RHEB: variants seen among roughly 807,000 people sequenced by gnomAD.
RHEB encodes Ras homolog, mTORC1 binding, also known as GTP-binding protein Rheb.
A neutral mutation model predicts 28.8 loss-of-function variants in RHEB; 2 were observed. The ratio of observed to expected loss-of-function variants is 0.07; its 90% CI spans 0.03 to 0.22. The LOEUF (loss-of-function observed/expected upper bound fraction) is 0.22, where lower values mean the gene tolerates loss of function less well. Ranked by LOEUF, RHEB falls within the 10% of genes least tolerant of loss-of-function variation. The pLI is 1.00. For synonymous variants in RHEB, 69 were observed against 77.3 expected, an observed-to-expected ratio of 0.89 and a Z score of 0.56; for missense variants, 76 against 219.9, an observed-to-expected ratio of 0.35 and a Z score of 4.14.
chr7:151,494,833 A>G (rs2150931270), intron 1 of RHEB, among the ~76,000 whole-genome samples: 1 of 152,358 alleles, frequency 6.6e-6, no homozygotes, highest in Non-Finnish European at 1.5e-5. Flanking sequence ...TATATTTGCT[A>G]ACATGCTGTT....
At chr7:151,475,515 C>T (rs1373439050) in intron 4 of RHEB, among the ~76,000 whole-genome samples, 1 of 152,088 alleles carries the variant, frequency 6.6e-6, no homozygotes, top group Non-Finnish European at 1.5e-5. Context: ...TAAATTTGTT[C>T]TGGACAAGGC....
chr7:151,484,917 GGCCCCAT>G, intron 2 of RHEB, 113 bp from the exon 3 acceptor site: 1 of 644,550 alleles, frequency 1.6e-6, no homozygotes, highest in Admixed American at 2.8e-5. Context: ...CTCAGAGAAA[GGCCCCAT>G]GAAACAAAAA....
rs770266385 is a variant in RHEB at position 151,484,773 on chromosome 7, T to C, written c.156A>G (p.Gln52=). The stretch of plus-strand genomic sequence containing the variant: ...TGTCTACAAGTTGAAGATGATATTC[T>C]TGTCCATTTACTGTGATCAACTTTG... The part of the protein sequence containing the change: ...TFTKLITVNG[Q]EYHLQLVDTA... Residue 52 remains glutamine (Q), a synonymous_variant, in exon 3 of 8, where the codon CAA becomes CAG. Transcript: ENST00000262187. 6.2e-7 allele frequency: 1 copy of C among 1,613,110 alleles called. No homozygotes were observed. Among genetic ancestry groups the C allele is most frequent in the South Asian group, 1.1e-5 (1 of 91,034 alleles).
intron 2 of RHEB, among the ~76,000 whole-genome samples, chr7:151,485,861 A>C (rs919079771): frequency 6.6e-6 from 1 of 152,204 alleles, no homozygotes; most frequent in African/African-American, 2.4e-5. Context: ...CAGGGGGGCC[A>C]AAAGTCAGGT....
chr7:151,485,984 C>T (rs1432707318), intron 2 of RHEB, among the ~76,000 whole-genome samples: 2 of 152,194 alleles, frequency 1.3e-5, no homozygotes, highest in South Asian at 2.1e-4. Flanking sequence ...GAAACTGAAT[C>T]GGAATATTTC....
intron 2 of RHEB, among the ~76,000 whole-genome samples, chr7:151,486,694 G>A (rs79861276): frequency 0.021 from 3,135 of 152,264 alleles, 49 homozygotes; most frequent in Non-Finnish European, 0.032. Context: ...ATGGTCCCAG[G>A]GATATTAGGC....
chr7:151,504,773 G>C (rs1193218068), intron 1 of RHEB, among the ~76,000 whole-genome samples: 1 of 152,100 alleles, frequency 6.6e-6, no homozygotes, highest in Non-Finnish European at 1.5e-5. Context: ...ACTAGAAACA[G>C]GCACAGGGCG....
At chr7:151,503,090 T>C in intron 1 of RHEB, 1 of 803,376 alleles carries the variant, frequency 1.2e-6, no homozygotes, top group South Asian at 1.3e-5. Flanking sequence ...ACTAAAGACT[T>C]TGGAAAAGGG....
At chr7:151,497,627 T>C (rs931175852) in intron 1 of RHEB, among the ~76,000 whole-genome samples, 4 of 152,210 alleles carry the variant, frequency 2.6e-5, no homozygotes, top group African/African-American at 7.2e-5. Flanking sequence ...CGATCGCCGC[T>C]ATCCTCTATT....
chr7:151,492,838 AT>A (rs538597333), intron 1 of RHEB, among the ~76,000 whole-genome samples: 3,987 of 125,100 alleles, frequency 0.032, 123 homozygotes, highest in African/African-American at 0.11. Flanking sequence ...AATTCTCAAC[AT>A]TTTTTTTTTT....
chr7:151,489,902 A>G (rs1195739977), intron 2 of RHEB, among the ~76,000 whole-genome samples: 1 of 152,268 alleles, frequency 6.6e-6, no homozygotes, highest in Non-Finnish European at 1.5e-5. Context: ...CTTTACTGTC[A>G]GCCAAAGCAT....
rs574979557 is a variant in RHEB, at chr7:151,479,921, T to C, written c.193-2506A>G. ...CCAAGTACACAGACAGGATAATTCA[T>C]AGGGGGAAAAATACAAACATCTTCT... On this transcript the variant is annotated intron_variant, in intron 3 of 7. Transcript: ENST00000262187. Among the ~76,000 whole-genome samples the C allele has an allele frequency of 2.0e-5, 3 of 152,208 alleles. No individual in the cohort carries two copies. The South Asian group carries it at 6.2e-4, about 32-fold the overall frequency.
intron 1 of RHEB, chr7:151,502,931 G>A: frequency 1.3e-6 from 1 of 791,662 alleles, no homozygotes; most frequent in Non-Finnish European, 2.3e-6. Flanking sequence ...TATATCCTAT[G>A]GTGGTGAAAA....
At chr7:151,502,694 A>G in intron 1 of RHEB, 1 of 1,609,910 alleles carries the variant, frequency 6.2e-7, no homozygotes, top group Admixed American at 1.7e-5. Flanking sequence ...GTCCTGCACA[A>G]ATTCACTGTG....
intron 1 of RHEB, among the ~76,000 whole-genome samples, chr7:151,491,593 T>C (rs923388905): frequency 6.6e-6 from 1 of 152,010 alleles, no homozygotes; most frequent in Non-Finnish European, 1.5e-5. Context: ...AAAAATTAGC[T>C]GGGTGTGGTG....
intron 2 of RHEB, 79 bp from the exon 3 acceptor site, chr7:151,484,883 A>G: frequency 1.1e-6 from 1 of 926,010 alleles, no homozygotes; most frequent in Non-Finnish European, 1.7e-6. Context: ...ATGACAACCA[A>G]TCAAGCACAG....
chr7:151,513,474 G>A (rs1296352714), intron 1 of RHEB, among the ~76,000 whole-genome samples: 1 of 152,202 alleles, frequency 6.6e-6, no homozygotes, highest in African/African-American at 2.4e-5. Flanking sequence ...GCAGAGATTG[G>A]TGGTGATATT....
Position 151,491,025 on chromosome 7 carries a change from G to C in RHEB, c.53-11C>G. Reference sequence around the variant, plus strand: ...TCAATGAGGATTTCCCTATAAAAGAGAACAAGAGCTTAGTGTGTGTTGGCA... The same window carrying C: ...TCAATGAGGATTTCCCTATAAAAGACAACAAGAGCTTAGTGTGTGTTGGCA... On this transcript the variant is annotated splice_polypyrimidine_tract_variant and intron_variant, in intron 1 of 7. Coordinates refer to ENST00000262187, the MANE Select transcript of RHEB (RefSeq NM_005614.4). 1 of 1,605,996 alleles carries C rather than the reference G, an allele frequency of 6.2e-7. No homozygotes were observed. The highest frequency in any genetic ancestry group is 8.5e-7 in the Non-Finnish European group (1 of 1,175,046).
chr7:151,494,974 A>G (rs938405796), intron 1 of RHEB, among the ~76,000 whole-genome samples: 2 of 152,212 alleles, frequency 1.3e-5, no homozygotes, highest in Non-Finnish European at 2.9e-5. Flanking sequence ...TTCCAGTTGT[A>G]ATTTCTGGCT....
Sources: allele counts gnomAD v4.1 joint callset (sites outside exome capture counted in the v4.1 genomes callset), GRCh38; gene constraint gnomAD v4.1.1; transcripts MANE v1.5; gene names NCBI Gene and HGNC (gene_info 2026-07-23, HGNC 2026-07-21).